CWC25: variants seen among roughly 807,000 people sequenced by gnomAD.
CWC25 encodes the protein CWC25 spliceosome associated protein.
CWC25 carries 31 observed loss-of-function variants against 54.6 expected under a neutral mutation model. That is an observed-to-expected ratio of 0.57 (90% CI 0.43 to 0.77). CWC25 has a LOEUF of 0.77. Among genes scored for constraint, CWC25 ranks in the 30% least tolerant of loss-of-function variants. The pLI, the probability that CWC25 is intolerant of heterozygous loss-of-function variation, is 0.00. For synonymous variants in CWC25, 151 were observed against 187.0 expected, an observed-to-expected ratio of 0.81 and a Z score of 1.57; for missense variants, 453 against 529.3, an observed-to-expected ratio of 0.86 and a Z score of 1.41.
intron 7 of CWC25, 131 bp downstream of exon 7, chr17:38,806,634 T>C: frequency 3.4e-6 from 3 of 881,018 alleles, no homozygotes; most frequent in South Asian, 1.8e-5. Context: ...AAAAAAATGA[T>C]GTAAAGGAAA....
intron 2 of CWC25, among the ~76,000 whole-genome samples, chr17:38,817,782 T>A (rs1911760826): frequency 6.7e-6 from 1 of 149,474 alleles, no homozygotes; most frequent in South Asian, 2.1e-4. Context: ...CGAGACTCTG[T>A]CACACAAAAA....
chr17:38,802,975 C>T (rs1723380538), intron 8 of CWC25, 114 bp from the exon 9 acceptor site: 2 of 1,239,100 alleles, frequency 1.6e-6, no homozygotes, highest in African/African-American at 1.5e-5. Flanking sequence ...CTGCTCTCTC[C>T]AAGTGCAAGG....
intron 6 of CWC25, among the ~76,000 whole-genome samples, chr17:38,809,145 A>C (rs2143560191): frequency 6.6e-6 from 1 of 151,342 alleles, no homozygotes; most frequent in South Asian, 2.1e-4. Flanking sequence ...CTACACACTT[A>C]GGCCAGGCAC....
Position 38,820,882 on chromosome 17 carries a change from C to G in CWC25, c.191+19G>C, listed in dbSNP as rs1911892891. The G allele has an allele frequency of 5.6e-6, 9 of 1,603,660 alleles. No homozygotes were observed. The highest frequency in any genetic ancestry group is 7.7e-6 in the Non-Finnish European group (9 of 1,174,710). ...CTGCAATTCCCTACACACAAGCGCACCCCCAGCTCCTCACTTACTTGACGG... is the reference window on the plus strand; with the variant it reads ...CTGCAATTCCCTACACACAAGCGCAGCCCCAGCTCCTCACTTACTTGACGG... On this transcript the variant is annotated intron_variant, in intron 2 of 9. Transcript: ENST00000614790.
chr17:38,821,851 C>A (rs1911938606), intron 1 of CWC25, among the ~76,000 whole-genome samples: 1 of 151,872 alleles, frequency 6.6e-6, no homozygotes, highest in Admixed American at 6.6e-5. Flanking sequence ...CTGACTGCAC[C>A]CTCCGCCTCC....
At chr17:38,815,755 T>C in intron 2 of CWC25, 1 of 1,075,910 alleles carries the variant, frequency 9.3e-7, no homozygotes. Context: ...AAACAATGAA[T>C]AAGCACATTC....
intron 5 of CWC25, chr17:38,810,254 C>T: frequency 1.8e-6 from 1 of 567,348 alleles, no homozygotes; most frequent in Non-Finnish European, 3.1e-6. Flanking sequence ...TCTCCAGCAG[C>T]ATGGCCAAGA....
intron 9 of CWC25, 105 bp downstream of exon 9, chr17:38,802,595 G>T: frequency 1.5e-6 from 2 of 1,322,860 alleles, no homozygotes. Context: ...TCTGAAGGCT[G>T]GGCTCCATGT....
chr17:38,813,338 C>G (rs1911565354), intron 3 of CWC25, among the ~76,000 whole-genome samples: 1 of 150,988 alleles, frequency 6.6e-6, no homozygotes, highest in Non-Finnish European at 1.5e-5. Context: ...GGCATGGTAG[C>G]AGCACGCACC....
intron 3 of CWC25, among the ~76,000 whole-genome samples, chr17:38,814,293 T>C (rs2143579247): frequency 6.7e-6 from 1 of 149,984 alleles, no homozygotes; most frequent in South Asian, 2.1e-4. Context: ...TTTATTTTTA[T>C]TTTTTTTTGA....
intron 3 of CWC25, among the ~76,000 whole-genome samples, chr17:38,813,877 T>C (rs952558571): frequency 4.0e-5 from 6 of 151,746 alleles, no homozygotes; most frequent in African/African-American, 1.5e-4. Flanking sequence ...TTGTTGTTTT[T>C]TCGAGACGGA....
chr17:38,803,858 T>C (rs1911124350), intron 8 of CWC25, among the ~76,000 whole-genome samples: 1 of 151,720 alleles, frequency 6.6e-6, no homozygotes, highest in Non-Finnish European at 1.5e-5. Flanking sequence ...GGCAACAAAG[T>C]GAGACCTCCC....
intron 2 of CWC25, chr17:38,815,684 G>C (rs1911667215): frequency 2.3e-6 from 3 of 1,285,646 alleles, no homozygotes; most frequent in Non-Finnish European, 3.0e-6. Context: ...TCTTGGCTCA[G>C]AGCTTCTCGA....
intron 2 of CWC25, among the ~76,000 whole-genome samples, chr17:38,816,916 C>G (rs1031712217): frequency 6.7e-6 from 1 of 149,060 alleles, no homozygotes; most frequent in African/African-American, 2.5e-5. Context: ...TCTCCTGACC[C>G]CGTGATCTGC....
Position 38,808,556 on chromosome 17 carries a change from G to A in CWC25, c.690+1146C>T, listed in dbSNP as rs1188996321. 4.3e-5 allele frequency among the ~76,000 whole-genome samples: 6 copies of A among 140,988 alleles called. 1 individual carries two copies. Among genetic ancestry groups the A allele is most frequent in the Non-Finnish European group, 7.8e-5 (5 of 63,738 alleles). 92.5% of individuals were successfully genotyped at this position (140,988 alleles called of 152,430 possible). On this transcript the variant is annotated intron_variant, in intron 6 of 9. Transcript: ENST00000614790. ...AGCACTTTGGGAGGCCGAGACAGGC[G>A]GATAGCTTGAGGCCAGGAGTTTGAG...
rs1022241860 is a variant in CWC25, at chr17:38,815,280, G to A, written c.192-183C>T. 2.0e-5 allele frequency among the ~76,000 whole-genome samples: 3 copies of A among 152,116 alleles called. No individual in the cohort carries two copies. The East Asian group carries it at 5.8e-4, about 29-fold the overall frequency. On this transcript the variant is annotated intron_variant, in intron 2 of 9. Coordinates refer to ENST00000614790, the MANE Select transcript of CWC25 (RefSeq NM_017748.5). ...GGCATAAAGAAATAGTGCGGGTTGC[G>A]TGCAGTGGCTCATGCCTGTAATCCC...
chr17:38,802,106 A>C lies in CWC25; in HGVS notation c.1264T>G (p.Phe422Val). 1.2e-6 allele frequency: 2 copies of C among 1,610,630 alleles called. No homozygotes were observed. The highest frequency in any genetic ancestry group is 1.7e-6 in the Non-Finnish European group (2 of 1,177,094). Residue 422 changes from phenylalanine to valine, a missense_variant, in exon 10 of 10, where the codon TTT (phenylalanine) becomes GTT (valine). Around this residue, in one of 2 missense-constraint regions of CWC25, gnomAD observed 444 missense variants for 499.2 expected, o/e 0.89. Transcript: ENST00000614790. Reference sequence around the variant, plus strand: ...GGGGACAGTTTTCATCTTTTCATAAAGTTCTTCTCCAGAGCTACCGAAGTT... The same window carrying C: ...GGGGACAGTTTTCATCTTTTCATAACGTTCTTCTCCAGAGCTACCGAAGTT... ...QRTSVALEKN[F>V]MKR
At chr17:38,814,832 A>G in intron 3 of CWC25, 29 bp downstream of exon 3, 1 of 1,553,536 alleles carries the variant, frequency 6.4e-7, no homozygotes, top group Non-Finnish European at 8.8e-7. Flanking sequence ...CATCTGTAAC[A>G]AACCCCCTTC....
intron 6 of CWC25, among the ~76,000 whole-genome samples, chr17:38,809,037 A>G (rs80224170): frequency 0.019 from 2,816 of 150,926 alleles, 93 homozygotes; most frequent in African/African-American, 0.065. Context: ...GCTTAAGCTC[A>G]GGAGTTCGAG....
Sources: allele counts gnomAD v4.1 joint callset (sites outside exome capture counted in the v4.1 genomes callset), GRCh38; gene constraint gnomAD v4.1.1; regional missense constraint gnomAD v4.1.1; transcripts MANE v1.5; gene names NCBI Gene and HGNC (gene_info 2026-07-23, HGNC 2026-07-21).